Variants in LRRC7 observed in about 807,000 individuals in gnomAD.
LRRC7 encodes the protein leucine-rich repeat-containing protein 7.
Under a neutral mutation model 175.7 loss-of-function variants are expected in LRRC7, and 23 were observed. The observed-to-expected ratio is 0.13, with a 90% CI of 0.09 to 0.19. The LOEUF is 0.19. Ranked by LOEUF, LRRC7 falls within the 10% of genes least tolerant of loss-of-function variation. The probability of loss-of-function intolerance (pLI) is 1.00; values close to 1 mark genes in which losing one functional copy is unlikely to be tolerated. For synonymous variants in LRRC7, 685 were observed against 680.9 expected, an observed-to-expected ratio of 1.01 and a Z score of -0.09; for missense variants, 1,354 against 1,904.7, an observed-to-expected ratio of 0.71 and a Z score of 5.38.
intron 7 of LRRC7, among the ~76,000 whole-genome samples, chr1:69,915,459 C>G (rs1646656733): frequency 6.6e-6 from 1 of 152,076 alleles, no homozygotes; most frequent in African/African-American, 2.4e-5. Context: ...AGAAAAACTT[C>G]TGGCAAAGTG....
At chr1:69,768,609 A>T (rs1009491918) in intron 3 of LRRC7, among the ~76,000 whole-genome samples, 1 of 152,172 alleles carries the variant, frequency 6.6e-6, no homozygotes, top group Non-Finnish European at 1.5e-5. Context: ...TATGCTGTCT[A>T]TTATTTTACA....
At chr1:69,719,597 A>G (rs907717095) in intron 2 of LRRC7, among the ~76,000 whole-genome samples, 3 of 151,736 alleles carry the variant, frequency 2.0e-5, no homozygotes, top group African/African-American at 4.8e-5. Context: ...TCAGAGCATA[A>G]CAACCACTAA....
chr1:69,722,588 T>C (rs74799904), intron 2 of LRRC7, among the ~76,000 whole-genome samples: 229 of 152,188 alleles, frequency 1.5e-3, no homozygotes, highest in African/African-American at 5.3e-3. Flanking sequence ...CACAGGATTA[T>C]ATATTTAATA....
chr1:70,109,488 A>G (rs531101191), intron 26 of LRRC7, among the ~76,000 whole-genome samples: 1 of 152,314 alleles, frequency 6.6e-6, no homozygotes, highest in Admixed American at 6.5e-5. Flanking sequence ...GAAGATGTAA[A>G]TAGCAGTTGG....
At chr1:69,904,740 AG>A (rs1646243743) in intron 7 of LRRC7, among the ~76,000 whole-genome samples, 1 of 152,058 alleles carries the variant, frequency 6.6e-6, no homozygotes, top group Admixed American at 6.6e-5. Flanking sequence ...TGCATGTCAC[AG>A]GGGTTTGATG....
At chr1:69,594,529 T>C (rs1044358713) in intron 1 of LRRC7, among the ~76,000 whole-genome samples, 4 of 152,186 alleles carry the variant, frequency 2.6e-5, no homozygotes, top group Non-Finnish European at 4.4e-5. Context: ...GAAATGGCTT[T>C]GGAATTACTT....
intron 7 of LRRC7, among the ~76,000 whole-genome samples, chr1:69,925,776 G>A (rs963883081): frequency 4.0e-5 from 6 of 151,176 alleles, no homozygotes; most frequent in Non-Finnish European, 8.8e-5. Context: ...ATTTTTTGAA[G>A]GGTTTTTTTG....
chr1:69,702,143 G>A (rs1158359506), intron 2 of LRRC7, among the ~76,000 whole-genome samples: 1 of 152,142 alleles, frequency 6.6e-6, no homozygotes, highest in African/African-American at 2.4e-5. Context: ...TGTGACATTT[G>A]TGCCACTTGG....
intron 1 of LRRC7, among the ~76,000 whole-genome samples, chr1:69,623,025 G>A (rs1279682642): frequency 6.6e-6 from 1 of 152,142 alleles, no homozygotes; most frequent in Non-Finnish European, 1.5e-5. Flanking sequence ...GATGTTCAGA[G>A]TATCCCTGTA....
intron 2 of LRRC7, among the ~76,000 whole-genome samples, chr1:69,695,674 C>A (rs931038146): frequency 1.3e-5 from 2 of 152,178 alleles, no homozygotes; most frequent in African/African-American, 2.4e-5. Flanking sequence ...AGGGACCAGG[C>A]CCAGGCCCTT....
chr1:69,694,333 G>A (rs1289650891), intron 2 of LRRC7, among the ~76,000 whole-genome samples: 1 of 152,098 alleles, frequency 6.6e-6, no homozygotes, highest in Non-Finnish European at 1.5e-5. Flanking sequence ...CTGGACATTT[G>A]ATATAGTGTC....
chr1:69,813,442 T>C (rs1678198348), intron 4 of LRRC7, among the ~76,000 whole-genome samples: 1 of 152,108 alleles, frequency 6.6e-6, no homozygotes, highest in Non-Finnish European at 1.5e-5. Context: ...CCCTCTGTTC[T>C]GGGGACAATT....
At chr1:70,091,502 T>C (rs1028803649) in intron 25 of LRRC7, among the ~76,000 whole-genome samples, 2 of 152,182 alleles carry the variant, frequency 1.3e-5, no homozygotes, top group Admixed American at 1.3e-4. Flanking sequence ...CTTTTCACTA[T>C]ATTTTTGGAA....
intron 8 of LRRC7, among the ~76,000 whole-genome samples, chr1:69,968,056 A>G (rs1333254058): frequency 6.6e-6 from 1 of 152,166 alleles, no homozygotes; most frequent in East Asian, 1.9e-4. Context: ...CAAAAAAATG[A>G]TACAAGAAGT....
At chr1:69,681,265 C>T (rs1186045289) in intron 2 of LRRC7, among the ~76,000 whole-genome samples, 1 of 152,088 alleles carries the variant, frequency 6.6e-6, no homozygotes, top group African/African-American at 2.4e-5. Flanking sequence ...CACAAAGGTG[C>T]CACCTTCGAA....
At chr1:69,648,165 G>GA (rs1655269778) in intron 1 of LRRC7, among the ~76,000 whole-genome samples, 1 of 152,052 alleles carries the variant, frequency 6.6e-6, no homozygotes, top group Admixed American at 6.6e-5. Flanking sequence ...TAACCTTTAA[G>GA]AAAAAATACA....
At chr1:70,033,208 C>T (rs751431789) in intron 18 of LRRC7, among the ~76,000 whole-genome samples, 1 of 152,130 alleles carries the variant, frequency 6.6e-6, no homozygotes, top group African/African-American at 2.4e-5. Flanking sequence ...CAAATCTTGG[C>T]TTTACCACTT....
At chr1:69,632,147 G>A (rs1652608616) in intron 1 of LRRC7, among the ~76,000 whole-genome samples, 1 of 152,040 alleles carries the variant, frequency 6.6e-6, no homozygotes, top group African/African-American at 2.4e-5. Flanking sequence ...CCTCTGGCTA[G>A]GACCCCATGC....
In LRRC7 at chr1:69,906,740, A is replaced by C. The variant is rs538237575; in HGVS notation, c.648-24767A>C. 1.2e-4 allele frequency among the ~76,000 whole-genome samples: 18 copies of C among 152,086 alleles called. No individual in the cohort carries two copies. The East Asian group carries it at 1.7e-3, about 15-fold the overall frequency. Reference sequence around the variant, plus strand: ...TTGGCTTAGGATTGACTTGGCGATGAGGGCTCTTTTTTGGTTCCATATGAA... The same window carrying C: ...TTGGCTTAGGATTGACTTGGCGATGCGGGCTCTTTTTTGGTTCCATATGAA... On this transcript the variant is annotated intron_variant, in intron 7 of 26. Coordinates refer to ENST00000651989, the MANE Select transcript of LRRC7 (RefSeq NM_001370785.2).
Sources: gnomAD v4.1 joint callset for allele counts (sites outside exome capture counted in the v4.1 genomes callset) on GRCh38, gnomAD v4.1.1 for gene constraint, MANE v1.5 for transcripts, NCBI Gene and HGNC (gene_info 2026-07-23, HGNC 2026-07-21) for gene names.